The following KDM3A variants were observed in gnomAD, a reference collection of about 807,000 sequenced individuals.
KDM3A encodes the protein lysine demethylase 3A.
A neutral mutation model predicts 158.0 loss-of-function variants in KDM3A; 60 were observed. The observed-to-expected ratio is 0.38, with a 90% confidence interval of 0.31 to 0.47. The LOEUF (loss-of-function observed/expected upper bound fraction) is 0.47, where lower values mean the gene tolerates loss of function less well. Among genes scored for constraint, KDM3A ranks in the 20% least tolerant of loss-of-function variants. The pLI is 0.99. For synonymous variants in KDM3A, 608 were observed against 549.3 expected (o/e 1.11, Z -1.49); for missense variants, 1,319 against 1,574.3 (o/e 0.84, Z 2.74).
At chr2:86,452,140 C>T (rs1039456926) in intron 4 of KDM3A, among the ~76,000 whole-genome samples, 1 of 150,616 alleles carries the variant, frequency 6.6e-6, no homozygotes. Context: ...CCTTGTTTCA[C>T]TTATGCTGTA....
chr2:86,484,023 T>C lies in KDM3A; in HGVS notation c.2959T>C (p.Ser987Pro). The change falls in exon 19 of 26, where the codon TCT becomes CCT. Residue 987 changes from serine to proline, a missense_variant. Ser to Pro is a moderately conservative substitution (Grantham distance 74). Around this residue, in one of 4 missense-constraint regions of KDM3A, gnomAD observed 368 missense variants for 415.8 expected, o/e 0.89. Coordinates refer to ENST00000312912, the MANE Select transcript of KDM3A (RefSeq NM_018433.6). ...MVSGVHHKLN[S>P]ELWKPESFRK... ...GTCTGGAGTGCATCATAAATTGAAC[T>C]CTGAACTTTGGAAACCTGAATCCTT... The C allele has an allele frequency of 6.2e-7, 1 of 1,613,930 alleles. No individual in the cohort carries two copies. Among genetic ancestry groups the C allele is most frequent in the Non-Finnish European group, 8.5e-7 (1 of 1,179,898 alleles).
Position 86,442,182 on chromosome 2 carries a change from C to T in KDM3A, c.135C>T (p.Ser45=). Residue 45 remains serine (S), a synonymous_variant, in exon 2 of 26, where the codon TCC becomes TCT. Transcript: ENST00000312912. ...VERVAEWPWL[S]GTIRAVSHTD... is the part of the protein sequence containing the mutation. ...GCGTCGCCGAGTGGCCCTGGCTCTC[C>T]GGGACCATTCGAGCTGTTTCCCACA... 1 of 1,613,794 alleles carries T rather than the reference C, an allele frequency of 6.2e-7. No homozygotes were observed. The highest frequency in any genetic ancestry group is 8.5e-7 in the Non-Finnish European group (1 of 1,179,874).
chr2:86,441,984 G>C (rs1269943463), intron 1 of KDM3A, 34 bp from the exon 2 acceptor site: 5 of 1,348,472 alleles, frequency 3.7e-6, no homozygotes, highest in Non-Finnish European at 5.1e-6. Flanking sequence ...CCCACCGGCC[G>C]CCCCCGTCGC....
intron 16 of KDM3A, among the ~76,000 whole-genome samples, chr2:86,481,268 C>T (rs907978894): frequency 7.2e-5 from 11 of 152,004 alleles, no homozygotes; most frequent in African/African-American, 9.7e-5. Flanking sequence ...TTTTTTGAGA[C>T]GGAATCTTGC....
At chr2:86,486,432 C>G (rs891142185) in intron 21 of KDM3A, among the ~76,000 whole-genome samples, 4 of 152,206 alleles carry the variant, frequency 2.6e-5, no homozygotes, top group African/African-American at 9.6e-5. Context: ...ATCATTATAA[C>G]TGAGATCTTC....
At chr2:86,468,954 A>G (rs955154730) in intron 10 of KDM3A, among the ~76,000 whole-genome samples, 4 of 152,202 alleles carry the variant, frequency 2.6e-5, no homozygotes, top group Non-Finnish European at 4.4e-5. Flanking sequence ...AACAGATAAG[A>G]TAACCTTCTT....
At chr2:86,479,238 C>G (rs947005559) in intron 15 of KDM3A, 3 of 152,764 alleles carry the variant, frequency 2.0e-5, no homozygotes, top group African/African-American at 7.2e-5. Context: ...TGGCATCCCT[C>G]TCCTCCCCAC....
chr2:86,439,691 T>C (rs889175377), upstream of KDM3A, among the ~76,000 whole-genome samples: 1 of 152,160 alleles, frequency 6.6e-6, no homozygotes, highest in African/African-American at 2.4e-5. Flanking sequence ...GAAAACAAAT[T>C]GTCAAATTTG....
chr2:86,448,744 T>C (rs1284333540), intron 2 of KDM3A, among the ~76,000 whole-genome samples: 1 of 152,154 alleles, frequency 6.6e-6, no homozygotes, highest in Admixed American at 6.5e-5. Context: ...ATAGATGTAT[T>C]AACTAATTCC....
intron 3 of KDM3A, among the ~76,000 whole-genome samples, 156 bp downstream of exon 3, chr2:86,450,118 C>T (rs1011195318): frequency 6.6e-6 from 1 of 152,198 alleles, no homozygotes; most frequent in Non-Finnish European, 1.5e-5. Context: ...GAGCGAGTCC[C>T]TTGACTTTGT....
Position 86,489,401 on chromosome 2 carries a change from G to A in KDM3A, c.3397G>A (p.Val1133Met). ...VSDAANVMVY[V>M]GIPKGQCEQE... is the part of the protein sequence containing the mutation. Reference sequence around the variant, plus strand: ...TGATGCAGCTAATGTCATGGTCTATGTGGGAATTCCCAAAGGACAGTGTGA... The same window carrying A: ...TGATGCAGCTAATGTCATGGTCTATATGGGAATTCCCAAAGGACAGTGTGA... Residue 1133 changes from valine (V) to methionine (M), a missense_variant, in exon 22 of 26, where the codon GTG becomes ATG. Transcript: ENST00000312912. 6.2e-7 allele frequency: 1 copy of A among 1,614,040 alleles called. No homozygotes were observed. The highest frequency in any genetic ancestry group is 8.5e-7 in the Non-Finnish European group (1 of 1,179,964).
intron 2 of KDM3A, 61 bp downstream of exon 2, chr2:86,442,294 A>G: frequency 2.0e-6 from 3 of 1,476,586 alleles, no homozygotes; most frequent in Middle Eastern, 1.8e-4. Flanking sequence ...TAACGCGACC[A>G]TCGGTTCCCT....
chr2:86,437,802 T>A (rs1682515372), upstream of KDM3A, among the ~76,000 whole-genome samples: 1 of 152,180 alleles, frequency 6.6e-6, no homozygotes, highest in South Asian at 2.1e-4. Flanking sequence ...ATGTTCTAAT[T>A]GATGCTTGCT....
intron 4 of KDM3A, 92 bp downstream of exon 4, chr2:86,451,305 G>A (rs1672458700): frequency 1.3e-6 from 1 of 742,948 alleles, no homozygotes; most frequent in African/African-American, 1.8e-5. Context: ...TAAATAGTGT[G>A]GGTATTATGG....
intron 9 of KDM3A, 141 bp from the exon 10 acceptor site, chr2:86,466,231 A>C: frequency 1.2e-6 from 1 of 842,566 alleles, no homozygotes. Context: ...ACAGAAATCT[A>C]TCCTAAATTC....
chr2:86,464,263 T>TA lies in KDM3A; in HGVS notation c.1007+48dup, dbSNP rs766874823. On this transcript the variant is annotated intron_variant, in intron 9 of 25. Transcript: ENST00000312912. ...ATGTTTAATTATAATAATAAAAAAT[T>TA]ATTTTAGTCATGGCTCATTGTTTTT... is the stretch of plus-strand genomic sequence containing the variant. The TA allele has an allele frequency of 1.6e-5, 21 of 1,317,336 alleles. No individual in the cohort carries two copies. In the East Asian group the frequency reaches 5.7e-4, roughly 36 times the overall value. 81.6% of individuals were successfully genotyped at this position (1,317,336 alleles called of 1,614,324 possible).
chr2:86,438,698 G>T (rs976750304), upstream of KDM3A, among the ~76,000 whole-genome samples: 1 of 151,968 alleles, frequency 6.6e-6, no homozygotes, highest in Admixed American at 6.5e-5. Flanking sequence ...AATAATATGT[G>T]TTGTCTTTGA....
In KDM3A at chr2:86,466,603, T is replaced by G. The variant is rs556530310; in HGVS notation, c.1239T>G (p.Leu413=). Residue 413 remains leucine (L), a synonymous_variant, in exon 10 of 26, where the codon CTT becomes CTG. Transcript: ENST00000312912. ...LESVPQALTG[L]PKECLPTKAS... is the part of the protein sequence containing the mutation. ...CTGTTCCACAAGCATTGACTGGCCTTCCTAAGGAGTGCTTACCTACAAAGG... is the reference window on the plus strand; with the variant it reads ...CTGTTCCACAAGCATTGACTGGCCTGCCTAAGGAGTGCTTACCTACAAAGG... 50 of 1,613,940 alleles carry G rather than the reference T, an allele frequency of 3.1e-5. No individual in the cohort carries two copies. The South Asian group carries it at 5.4e-4, about 17-fold the overall frequency.
chr2:86,491,223 A>G lies in KDM3A; in HGVS notation c.3833A>G (p.Gln1278Arg). ...EHVKHCFWLT[Q>R]EFRYLSQTHT... is the part of the protein sequence containing the mutation. ...GTTAAACACTGCTTCTGGCTTACTC[A>G]GGAATTCCGATATCTGTCACAGACT... The change falls in exon 25 of 26, where the codon CAG becomes CGG. Residue 1278 changes from glutamine to arginine, a missense_variant. Coordinates refer to ENST00000312912, the MANE Select transcript of KDM3A (RefSeq NM_018433.6). 2 of 1,613,824 alleles carry G rather than the reference A, an allele frequency of 1.2e-6. No homozygotes were observed. Among genetic ancestry groups the G allele is most frequent in the Admixed American group, 3.3e-5 (2 of 60,006 alleles).
Sources: gnomAD v4.1 joint callset for allele counts (sites outside exome capture counted in the v4.1 genomes callset) on GRCh38, gnomAD v4.1.1 for gene constraint, gnomAD v4.1.1 regional missense constraint, MANE v1.5 for transcripts, NCBI Gene and HGNC (gene_info 2026-07-23, HGNC 2026-07-21) for gene names.